FMN1: variants seen among roughly 807,000 people sequenced by gnomAD.
FMN1 encodes the protein formin-1.
FMN1 carries 110 observed loss-of-function variants against 132.4 expected under a neutral mutation model. That is an observed-to-expected ratio of 0.83 (90% CI 0.71 to 0.97). The LOEUF is 0.97. Among genes scored for constraint, FMN1 ranks in the 50% least tolerant of loss-of-function variants. FMN1 has a pLI of 0.00. For missense variants in FMN1, 1,792 were observed against 1,705.3 expected (o/e 1.05, Z -0.90); for synonymous variants, 722 against 651.7 (o/e 1.11, Z -1.64).
chr15:33,152,924 G>C, intron 4 of FMN1, 124 bp downstream of exon 4: 1 of 961,972 alleles, frequency 1.0e-6, no homozygotes, highest in Non-Finnish European at 1.5e-6. Context: ...TTGCTACAAA[G>C]TGAAGTAATA....
chr15:33,110,128 T>C (rs1335898277), intron 4 of FMN1, among the ~76,000 whole-genome samples: 1 of 152,088 alleles, frequency 6.6e-6, no homozygotes, highest in Non-Finnish European at 1.5e-5. Context: ...AATATAACGC[T>C]TCTCCTAGGA....
intron 6 of FMN1, among the ~76,000 whole-genome samples, chr15:33,015,775 C>G (rs72719367): frequency 6.6e-6 from 1 of 152,070 alleles, no homozygotes; most frequent in Admixed American, 6.5e-5. Context: ...ACTTAGCACA[C>G]ACACCGGCAA....
At chr15:32,964,033 A>T in intron 9 of FMN1, 74 bp downstream of exon 9, 1 of 1,032,698 alleles carries the variant, frequency 9.7e-7, no homozygotes, top group Non-Finnish European at 1.4e-6. Flanking sequence ...ACACACACAC[A>T]CACACACACA....
intron 5 of FMN1, among the ~76,000 whole-genome samples, chr15:33,073,982 C>T (rs749338222): frequency 5.3e-5 from 8 of 152,162 alleles, no homozygotes; most frequent in South Asian, 2.1e-4. Context: ...CTGCCCACCT[C>T]GGCCCCCCAG....
chr15:33,092,992 T>TTTAA (rs754975374), intron 4 of FMN1, among the ~76,000 whole-genome samples: 4 of 152,270 alleles, frequency 2.6e-5, no homozygotes, highest in Non-Finnish European at 4.4e-5. Context: ...AGATATTGTC[T>TTTAA]TTAATCGTCT....
At position 32,863,225 on chromosome 15, in the gene FMN1, C is replaced by T. The variant is rs190281363; in HGVS notation, c.3836-6118G>A. 2.5e-3 allele frequency among the ~76,000 whole-genome samples: 384 copies of T among 152,232 alleles called. 1 individual carries two copies. Among genetic ancestry groups the T allele is most frequent in the African/African-American group, 8.8e-3 (365 of 41,554 alleles). On this transcript the variant is annotated intron_variant, in intron 16 of 20. Transcript: ENST00000616417. ...TTGGGAGGCCGAGGCGGGCGGATCA[C>T]GAGGTCAGGAGACCATCCTGCCTAA...
intron 4 of FMN1, chr15:33,150,421 G>C: frequency 1.0e-6 from 1 of 985,376 alleles, no homozygotes; most frequent in Non-Finnish European, 1.2e-6. Context: ...CTGACTACCA[G>C]TTCTTGTTAG....
chr15:33,020,193 G>GCA (rs1404609491), intron 6 of FMN1, among the ~76,000 whole-genome samples: 1 of 152,202 alleles, frequency 6.6e-6, no homozygotes, highest in African/African-American at 2.4e-5. Context: ...CGAAAGGGGG[G>GCA]CAGTCTTGCA....
chr15:33,069,797 A>G (rs1208386428), intron 5 of FMN1, among the ~76,000 whole-genome samples: 5 of 152,140 alleles, frequency 3.3e-5, no homozygotes, highest in Non-Finnish European at 7.3e-5. Context: ...TGATCATAGT[A>G]TTTTTGGGAA....
At chr15:33,025,767 C>T (rs990481609) in intron 6 of FMN1, among the ~76,000 whole-genome samples, 3 of 152,060 alleles carry the variant, frequency 2.0e-5, no homozygotes, top group Non-Finnish European at 4.4e-5. Flanking sequence ...GATAAGGCTC[C>T]ACATCATTCT....
At chr15:32,993,920 G>A (rs891839131) in intron 7 of FMN1, among the ~76,000 whole-genome samples, 5 of 141,236 alleles carry the variant, frequency 3.5e-5, no homozygotes, top group African/African-American at 1.3e-4. Context: ...GGTGGGGGGG[G>A]TCTTTTGGAA....
intron 6 of FMN1, among the ~76,000 whole-genome samples, chr15:33,026,410 TCACACACA>T (rs71113496): frequency 1.1e-4 from 15 of 140,216 alleles, no homozygotes; most frequent in East Asian, 2.2e-4. Flanking sequence ...GTCCAAATTT[TCACACACA>T]CACACACACA....
At chr15:33,083,182 C>T (rs954747693) in intron 5 of FMN1, among the ~76,000 whole-genome samples, 12 of 152,076 alleles carry the variant, frequency 7.9e-5, no homozygotes, top group Admixed American at 3.9e-4. Context: ...CTAAAACCCT[C>T]GTAACTTCTT....
In FMN1 at chr15:32,766,564, AAAAT is replaced by A. The variant is rs1372421349; in HGVS notation, c.*7742_*7745del. 7.1e-6 allele frequency: 1 copy of A among 140,878 alleles called. No homozygotes were observed. The highest frequency in any genetic ancestry group is 2.7e-5 in the African/African-American group (1 of 37,638). 8.7% of individuals were successfully genotyped at this position (140,878 alleles called of 1,614,324 possible). A position where few individuals can be genotyped will look rare whatever the true frequency, so the allele number is the denominator to read the frequency against. On this transcript the variant is annotated 3_prime_UTR_variant, in exon 21 of 21. Coordinates refer to ENST00000616417, the MANE Select transcript of FMN1 (RefSeq NM_001277313.2). ...CCACCCCGCCCAATCTTCTTAAAAT[AAAAT>A]AAAAAGAGACGTATTTTCCATCTCT...
At chr15:33,066,834 T>C (rs770720962) in intron 5 of FMN1, 13 of 1,613,974 alleles carry the variant, frequency 8.1e-6, no homozygotes, top group Admixed American at 1.7e-5. Flanking sequence ...GGCATGTCAA[T>C]GTTGAGCAGC....
intron 6 of FMN1, among the ~76,000 whole-genome samples, chr15:33,052,404 C>A (rs2037017764): frequency 6.6e-6 from 1 of 152,148 alleles, no homozygotes; most frequent in African/African-American, 2.4e-5. Context: ...CACAACCATG[C>A]AAATACACGT....
chr15:33,092,564 G>A (rs1024861808), intron 4 of FMN1, among the ~76,000 whole-genome samples: 10 of 152,098 alleles, frequency 6.6e-5, no homozygotes, highest in East Asian at 1.9e-4. Context: ...CATGGTCCTC[G>A]GGAGCTTCGA....
intron 6 of FMN1, among the ~76,000 whole-genome samples, chr15:33,036,618 G>C (rs1426996393): frequency 6.6e-6 from 1 of 152,070 alleles, no homozygotes; most frequent in Non-Finnish European, 1.5e-5. Context: ...CTCTTTACTA[G>C]CTTTGCAGAC....
At chr15:33,118,586 A>T (rs2040016231) in intron 4 of FMN1, among the ~76,000 whole-genome samples, 1 of 152,220 alleles carries the variant, frequency 6.6e-6, no homozygotes, top group African/African-American at 2.4e-5. Context: ...TTTGACAGGA[A>T]TGAGGGACAG....
Sources: allele counts gnomAD v4.1 joint callset (sites outside exome capture counted in the v4.1 genomes callset), GRCh38; gene constraint gnomAD v4.1.1; transcripts MANE v1.5; gene names NCBI Gene and HGNC (gene_info 2026-07-23, HGNC 2026-07-21).